Variants in RBM24 observed in about 807,000 individuals in gnomAD.
RBM24 encodes RNA-binding protein 24.
Under a neutral mutation model 23.6 loss-of-function variants are expected in RBM24, and 5 were observed. The observed-to-expected ratio is 0.21, with a 90% CI of 0.11 to 0.45. The LOEUF is 0.45. RBM24 is among the 20% of genes least tolerant of loss of function. The probability of loss-of-function intolerance (pLI) is 0.99; values close to 1 mark genes in which losing one functional copy is unlikely to be tolerated. For synonymous variants in RBM24, 151 were observed against 129.5 expected, an observed-to-expected ratio of 1.17 and a Z score of -1.13; for missense variants, 252 against 314.6, an observed-to-expected ratio of 0.80 and a Z score of 1.51.
At chr6:17,288,241 C>CT in intron 3 of RBM24, 1 of 985,388 alleles carries the variant, frequency 1.0e-6, no homozygotes, top group Non-Finnish European at 1.2e-6. Context: ...AGACAAAACT[C>CT]TATTCTCTCA....
rs1483422607 is a variant in RBM24, at chr6:17,282,348, A to G, written c.169-457A>G. On this transcript the variant is annotated intron_variant, in intron 1 of 3. Coordinates refer to ENST00000379052, the MANE Select transcript of RBM24 (RefSeq NM_001143942.2). Reference sequence around the variant, plus strand: ...GAGCAGGGAGCCCCAGAGTAGGACAATAGCTATTGTCGTTGGGGAGTGTTT... The same window carrying G: ...GAGCAGGGAGCCCCAGAGTAGGACAGTAGCTATTGTCGTTGGGGAGTGTTT... 3.4e-6 allele frequency: 3 copies of G among 877,054 alleles called. No individual in the cohort carries two copies. In the East Asian group the frequency reaches 1.8e-4, roughly 54 times the overall value. The allele number at this position is 877,054 out of a possible 1,614,324, so 54.3% of individuals were successfully genotyped here.
At chr6:17,282,374 T>A (rs1407311573) in intron 1 of RBM24, 4 of 741,538 alleles carry the variant, frequency 5.4e-6, no homozygotes, top group South Asian at 4.3e-5. Context: ...GGGAGTGTTT[T>A]CGAGGTTGGG....
chr6:17,292,038 C>A lies in RBM24; in HGVS notation c.630C>A (p.Ala210=). 2.5e-6 allele frequency: 4 copies of A among 1,596,568 alleles called. No individual in the cohort carries two copies. The South Asian group carries it at 3.3e-5, about 13-fold the overall frequency. ...CCGCAGCGGCACCTGGGACAGCTGC[C>A]GCCGCCGCTGCAGCAGCTGCTGCCG... ...PITAAAPGTA[A]AAAAAAAAAA... is the part of the protein sequence containing the mutation. Residue 210 remains alanine, a synonymous_variant, in exon 4 of 4, where the codon GCC becomes GCA. Coordinates refer to ENST00000379052, the MANE Select transcript of RBM24 (RefSeq NM_001143942.2).
At chr6:17,288,563 A>T (rs1022714752) in intron 3 of RBM24, 1 of 985,322 alleles carries the variant, frequency 1.0e-6, no homozygotes, top group Non-Finnish European at 1.2e-6. Flanking sequence ...AAAAAGAAAC[A>T]TATGAGACTA....
Position 17,282,807 on chromosome 6 carries a change from C to T in RBM24, c.171C>T (p.Val57=). ...GTCTGTGTGTGTCTGTTGCTAAGGT[C>T]ACCATGGCTGACCGGGCTGCTGCCG... ...QTGKSRGYGF[V]TMADRAAAER... is the part of the protein sequence containing the mutation. Residue 57 remains valine, a splice_region_variant and synonymous_variant, in exon 2 of 4, where the codon GTC becomes GTT. Coordinates refer to ENST00000379052, the MANE Select transcript of RBM24 (RefSeq NM_001143942.2). 6.2e-7 allele frequency: 1 copy of T among 1,614,008 alleles called. No homozygotes were observed. Among genetic ancestry groups the T allele is most frequent in the Non-Finnish European group, 8.5e-7 (1 of 1,179,946 alleles).
rs1760023500 is a variant in RBM24 at position 17,281,800 on chromosome 6, C to T, written c.168+51C>T. On this transcript the variant is annotated intron_variant, in intron 1 of 3. Transcript: ENST00000379052. The surrounding 1 kb of genome is among the most constrained non-coding windows in gnomAD (Gnocchi z 7.1). Reference sequence around the variant, plus strand: ...GGGGAGGGACGGAGTGGCGGCTGACCCCGGGGATCGGGAGCTTGGAGTGAG... The same window carrying T: ...GGGGAGGGACGGAGTGGCGGCTGACTCCGGGGATCGGGAGCTTGGAGTGAG... 1.3e-6 allele frequency: 2 copies of T among 1,537,972 alleles called. No homozygotes were observed. Among genetic ancestry groups the T allele is most frequent in the South Asian group, 2.4e-5 (2 of 83,538 alleles).
In RBM24 at chr6:17,281,497, G is replaced by C. The variant is rs1760011218; in HGVS notation, c.-85G>C. On this transcript the variant is annotated 5_prime_UTR_variant, in exon 1 of 4. Transcript: ENST00000379052. This position sits in a 1 kb window ranked among gnomAD's most constrained non-coding sequence, Gnocchi z 7.1. ...CCCCCGGCGGCCGCGAAAGGGTGCG[G>C]GAGACGCGGAGCCGGAGGAGGAGGC... 1 of 1,297,080 alleles carries C rather than the reference G, an allele frequency of 7.7e-7. No individual in the cohort carries two copies. The highest frequency in any genetic ancestry group is 1.0e-6 in the Non-Finnish European group (1 of 1,003,566). 80.3% of individuals were successfully genotyped at this position (1,297,080 alleles called of 1,614,324 possible).
intron 2 of RBM24, 83 bp from the exon 3 acceptor site, chr6:17,284,574 A>T: frequency 9.9e-7 from 1 of 1,011,960 alleles, no homozygotes; most frequent in East Asian, 2.5e-5. Context: ...TTTATAAGTG[A>T]AAGTTGTGAT....
At chr6:17,282,756 G>A (rs372674694) in intron 1 of RBM24, 49 bp from the exon 2 acceptor site, 55 of 1,604,174 alleles carry the variant, frequency 3.4e-5, no homozygotes, top group Non-Finnish European at 4.5e-5. Flanking sequence ...TTCCTTCATG[G>A]GTTAATTTAG....
At chr6:17,282,038 T>G (rs544828465) in intron 1 of RBM24, 1 of 1,287,854 alleles carries the variant, frequency 7.8e-7, no homozygotes, top group East Asian at 3.9e-5. Context: ...GTGCGGAGGG[T>G]TGCGAGGGAG....
Position 17,284,194 on chromosome 6 carries a change from G to GA in RBM24, c.293-455dup, listed in dbSNP as rs1404423984. Among the ~76,000 whole-genome samples, 14 of 151,550 alleles carry GA rather than the reference G, an allele frequency of 9.2e-5. 1 individual carries two copies. The highest frequency in any genetic ancestry group is 5.3e-4 in the Admixed American group (8 of 15,232). On this transcript the variant is annotated intron_variant, in intron 2 of 3. Transcript: ENST00000379052. ...ATACATTGTGGGTATGTAGTATCCA[G>GA]AAAAAAAACATTTTTTTTTGTGAAT...
chr6:17,284,736 T>C, intron 3 of RBM24, 25 bp downstream of exon 3: 1 of 1,572,984 alleles, frequency 6.4e-7, no homozygotes, highest in Non-Finnish European at 8.7e-7. Flanking sequence ...CAGGCTTTCT[T>C]AAGTTTCAGT....
intron 3 of RBM24, among the ~76,000 whole-genome samples, chr6:17,285,932 T>C (rs1288295339): frequency 1.3e-5 from 2 of 152,178 alleles, no homozygotes; most frequent in East Asian, 1.9e-4. Context: ...TTTTTAAATG[T>C]TCATGTTGTT....
chr6:17,292,414 G>T lies in RBM24; in HGVS notation c.*295G>T. On this transcript the variant is annotated 3_prime_UTR_variant, in exon 4 of 4. Coordinates refer to ENST00000379052, the MANE Select transcript of RBM24 (RefSeq NM_001143942.2). ...ACAACGGAACTTCACTTTTGTAACGGGATTTTTATTTTTGCTCTTTTTATA... is the reference window on the plus strand; with the variant it reads ...ACAACGGAACTTCACTTTTGTAACGTGATTTTTATTTTTGCTCTTTTTATA... 1 of 215,326 alleles carries T rather than the reference G, an allele frequency of 4.6e-6. No individual in the cohort carries two copies. Among genetic ancestry groups the T allele is most frequent in the Non-Finnish European group, 9.1e-6 (1 of 109,890 alleles). 13.3% of individuals were successfully genotyped at this position (215,326 alleles called of 1,614,324 possible).
Position 17,292,336 on chromosome 6 carries a change from A to G in RBM24, c.*217A>G, listed in dbSNP as rs1760395435. On this transcript the variant is annotated 3_prime_UTR_variant, in exon 4 of 4. Transcript: ENST00000379052. Reference sequence around the variant, plus strand: ...GGAATGGGCACAATTTTGGAAATCAATCCCAAAGAGCCTGAGTAAATGAAA... The same window carrying G: ...GGAATGGGCACAATTTTGGAAATCAGTCCCAAAGAGCCTGAGTAAATGAAA... The G allele has an allele frequency of 2.8e-6, 1 of 358,482 alleles. No individual in the cohort carries two copies. The highest frequency in any genetic ancestry group is 4.9e-6 in the Non-Finnish European group (1 of 204,054). The allele number at this position is 358,482 out of a possible 1,614,324, so 22.2% of individuals were successfully genotyped here.
chr6:17,281,398 G>A lies in RBM24; in HGVS notation c.-184G>A, dbSNP rs1251348487. The A allele has an allele frequency of 4.2e-5, 7 of 168,428 alleles. No individual in the cohort carries two copies. In the East Asian group the frequency reaches 1.2e-3, roughly 28 times the overall value. The allele number at this position is 168,428 out of a possible 1,614,324, so 10.4% of individuals were successfully genotyped here. A position where few individuals can be genotyped will look rare whatever the true frequency, so the allele number is the denominator to read the frequency against. On this transcript the variant is annotated 5_prime_UTR_variant, in exon 1 of 4. Coordinates refer to ENST00000379052, the MANE Select transcript of RBM24 (RefSeq NM_001143942.2). This position sits in a 1 kb window ranked among gnomAD's most constrained non-coding sequence, Gnocchi z 7.1. The stretch of plus-strand genomic sequence containing the variant: ...CCGCTGGCGACTTCGGAAGCCGCGC[G>A]CCCGGCGCTCTCGGCCGCCCCCGGC...
intron 3 of RBM24, chr6:17,290,852 TAAAC>T (rs779190871): frequency 1.8e-5 from 23 of 1,289,608 alleles, no homozygotes; most frequent in Non-Finnish European, 2.3e-5. Flanking sequence ...TGCATAGAGA[TAAAC>T]AAGCTGGCTG....
chr6:17,288,135 C>A, intron 3 of RBM24: 1 of 501,156 alleles, frequency 2.0e-6, no homozygotes, highest in South Asian at 8.7e-5. Flanking sequence ...GATCACAGGA[C>A]TGCTAAGTGT....
chr6:17,283,523 T>G (rs1760097806), intron 2 of RBM24, among the ~76,000 whole-genome samples: 2 of 152,184 alleles, frequency 1.3e-5, no homozygotes. Context: ...GTTCAAGTGA[T>G]TGTCCTGCCT....
Sources: gnomAD v4.1 joint callset for allele counts (sites outside exome capture counted in the v4.1 genomes callset) on GRCh38, gnomAD v4.1.1 for gene constraint, Gnocchi (gnomAD v3.1) non-coding constraint, MANE v1.5 for transcripts, NCBI Gene and HGNC (gene_info 2026-07-23, HGNC 2026-07-21) for gene names.